The following ROBO1 variants were observed in gnomAD, a reference collection of about 807,000 sequenced individuals.
ROBO1 encodes roundabout homolog 1.
A neutral mutation model predicts 195.9 loss-of-function variants in ROBO1; 149 were observed. The ratio of observed to expected loss-of-function variants is 0.76; its 90% CI spans 0.67 to 0.87. The LOEUF (loss-of-function observed/expected upper bound fraction) is 0.87. ROBO1 is among the 40% of genes least tolerant of loss of function. The pLI is 0.00. For synonymous variants in ROBO1, 816 were observed against 733.2 expected (o/e 1.11, Z -1.82); for missense variants, 1,933 against 2,068.3 (o/e 0.93, Z 1.27).
chr3:79,539,053 C>T (rs941020612), intron 2 of ROBO1, among the ~76,000 whole-genome samples: 2 of 152,062 alleles, frequency 1.3e-5, no homozygotes, highest in Non-Finnish European at 2.9e-5. Context: ...GGGGTTTGTT[C>T]CAATATTTTG....
intron 1 of ROBO1, among the ~76,000 whole-genome samples, chr3:79,726,629 G>C (rs1702936889): frequency 6.6e-6 from 1 of 151,790 alleles, no homozygotes; most frequent in South Asian, 2.1e-4. Flanking sequence ...TGAGATTATT[G>C]GCATTATCTC....
chr3:78,689,634 T>A (rs2081127096), intron 8 of ROBO1, among the ~76,000 whole-genome samples: 1 of 152,150 alleles, frequency 6.6e-6, no homozygotes, highest in Non-Finnish European at 1.5e-5. Flanking sequence ...TCATTTCGTA[T>A]CAGCTCTGAA....
intron 8 of ROBO1, among the ~76,000 whole-genome samples, chr3:78,705,725 C>T (rs1018880305): frequency 2.0e-5 from 3 of 152,104 alleles, no homozygotes; most frequent in Non-Finnish European, 4.4e-5. Context: ...TGTGGGCTGG[C>T]GTCATCCAAT....
At chr3:79,108,649 T>C (rs1436231464) in intron 3 of ROBO1, among the ~76,000 whole-genome samples, 1 of 151,770 alleles carries the variant, frequency 6.6e-6, no homozygotes, top group Non-Finnish European at 1.5e-5. Flanking sequence ...ATATGCATAT[T>C]AAAGGCTGGG....
intron 4 of ROBO1, among the ~76,000 whole-genome samples, chr3:78,853,315 CAT>C (rs1343228482): frequency 6.6e-6 from 1 of 151,788 alleles, no homozygotes; most frequent in Admixed American, 6.6e-5. Flanking sequence ...AGCAAATACA[CAT>C]ACACACTCTC....
intron 25 of ROBO1, among the ~76,000 whole-genome samples, chr3:78,629,566 C>T (rs1575804507): frequency 6.6e-6 from 1 of 152,014 alleles, no homozygotes; most frequent in Non-Finnish European, 1.5e-5. Flanking sequence ...TGCTGTGGTA[C>T]AAGCCTGTAG....
At chr3:78,973,734 T>TA (rs2076825904) in intron 3 of ROBO1, among the ~76,000 whole-genome samples, 1 of 151,610 alleles carries the variant, frequency 6.6e-6, no homozygotes, top group Non-Finnish European at 1.5e-5. Flanking sequence ...ACTGAGGAAG[T>TA]AATGTTAGCT....
At chr3:79,677,773 C>A (rs1399212993) in intron 1 of ROBO1, among the ~76,000 whole-genome samples, 1 of 152,018 alleles carries the variant, frequency 6.6e-6, no homozygotes, top group Non-Finnish European at 1.5e-5. Context: ...TCAATTTTGC[C>A]AACAAATTGT....
At chr3:79,700,988 A>G (rs1947606608) in intron 1 of ROBO1, among the ~76,000 whole-genome samples, 1 of 151,776 alleles carries the variant, frequency 6.6e-6, no homozygotes, top group East Asian at 1.9e-4. Context: ...ATACATCTTG[A>G]GAGAATTTTT....
intron 2 of ROBO1, among the ~76,000 whole-genome samples, chr3:79,314,219 T>C (rs1418655108): frequency 6.6e-6 from 1 of 152,198 alleles, no homozygotes; most frequent in Admixed American, 6.5e-5. Context: ...ATTTTCAAAA[T>C]AGAAGTATAA....
chr3:78,930,638 T>C (rs1311830172), intron 4 of ROBO1, among the ~76,000 whole-genome samples: 1 of 152,174 alleles, frequency 6.6e-6, no homozygotes. Flanking sequence ...CAATTGCATC[T>C]CCTGCAAAAT....
chr3:79,651,256 G>C (rs1945998368), intron 1 of ROBO1, among the ~76,000 whole-genome samples: 1 of 151,960 alleles, frequency 6.6e-6, no homozygotes, highest in Non-Finnish European at 1.5e-5. Flanking sequence ...GGCTCCAACT[G>C]TATTCCTAAT....
chr3:79,428,835 C>T (rs1350832309), intron 2 of ROBO1, among the ~76,000 whole-genome samples: 1 of 151,384 alleles, frequency 6.6e-6, no homozygotes, highest in African/African-American at 2.4e-5. Flanking sequence ...GGATGGATTT[C>T]AAATACTCTA....
At chr3:78,904,993 C>G (rs146398157) in intron 4 of ROBO1, among the ~76,000 whole-genome samples, 81 of 150,226 alleles carry the variant, frequency 5.4e-4, no homozygotes, top group African/African-American at 2.0e-3. Context: ...TGGTGGGTAA[C>G]TTACTATAAC....
At chr3:78,786,604 G>A (rs2083842876) in intron 4 of ROBO1, among the ~76,000 whole-genome samples, 1 of 151,996 alleles carries the variant, frequency 6.6e-6, no homozygotes, top group Admixed American at 6.5e-5. Context: ...TCATGGGGGT[G>A]GGTTTTTCCC....
intron 10 of ROBO1, among the ~76,000 whole-genome samples, chr3:78,672,004 A>G (rs1708089885): frequency 6.6e-6 from 1 of 152,210 alleles, no homozygotes; most frequent in Non-Finnish European, 1.5e-5. Context: ...TAAAGCAATA[A>G]AAGAAAAAGA....
chr3:79,683,136 C>A lies in ROBO1; in HGVS notation c.-51+84616G>T, dbSNP rs116787971. 4.3e-3 allele frequency among the ~76,000 whole-genome samples: 659 copies of A among 151,898 alleles called. 9 individuals are homozygous for A. The highest frequency in any genetic ancestry group is 0.015 in the African/African-American group (632 of 41,454). On this transcript the variant is annotated intron_variant, in intron 1 of 30. Coordinates refer to ENST00000464233, the MANE Select transcript of ROBO1 (RefSeq NM_002941.4). ...TTGATTTTTTTCTATCTTTGGTAAA[C>A]CCTGCAAACCCCTGCATTTCAAGTG...
At chr3:78,808,127 C>T (rs1489567663) in intron 4 of ROBO1, among the ~76,000 whole-genome samples, 5 of 152,160 alleles carry the variant, frequency 3.3e-5, no homozygotes, top group Non-Finnish European at 7.3e-5. Flanking sequence ...ATTATCTCCA[C>T]AAAAATCAGA....
chr3:79,511,211 G>C (rs1479625753), intron 2 of ROBO1, among the ~76,000 whole-genome samples: 2 of 152,106 alleles, frequency 1.3e-5, no homozygotes, highest in Non-Finnish European at 2.9e-5. Context: ...AAAAACTTAA[G>C]TTAGAAATTT....
Sources: gnomAD v4.1 joint callset for allele counts (sites outside exome capture counted in the v4.1 genomes callset) on GRCh38, gnomAD v4.1.1 for gene constraint, MANE v1.5 for transcripts, NCBI Gene and HGNC (gene_info 2026-07-23, HGNC 2026-07-21) for gene names.